CENPE: variants seen among roughly 807,000 people sequenced by gnomAD.
CENPE encodes centromere protein E, also known as centromere-associated protein E.
In CENPE, 145 loss-of-function variants were observed where a neutral mutation model predicts 336.1. That is an observed-to-expected ratio of 0.43 (90% CI 0.38 to 0.50). The LOEUF (loss-of-function observed/expected upper bound fraction) is 0.50. CENPE is among the 20% of genes least tolerant of loss of function. CENPE has a pLI of 0.00. For missense variants in CENPE, 2,719 were observed against 3,023.3 expected (o/e 0.90, Z 2.36); for synonymous variants, 1,013 against 984.8 (o/e 1.03, Z -0.54).
rs751229113 is a variant in CENPE, at chr4:103,161,246, T to C, written c.1971A>G (p.Glu657=). Reference sequence around the variant, plus strand: ...CCATTTGCTTGTATGTAGTTGCAAGTTCTTTCTATTGAGAAAAACATTGCA... The same window carrying C: ...CCATTTGCTTGTATGTAGTTGCAAGCTCTTTCTATTGAGAAAAACATTGCA... ...ENLELKEKMK[E]LATTYKQMEN... Residue 657 remains glutamate (E), a synonymous_variant, in exon 20 of 49, where the codon GAA becomes GAG. Transcript: ENST00000265148. The C allele has an allele frequency of 1.9e-6, 3 of 1,607,750 alleles. No individual in the cohort carries two copies. The highest frequency in any genetic ancestry group is 4.5e-5 in the East Asian group (2 of 44,686).
chr4:103,140,809 C>T lies in CENPE; in HGVS notation c.5754+5G>A, dbSNP rs776059287. 8 of 1,571,588 alleles carry T rather than the reference C, an allele frequency of 5.1e-6. No homozygotes were observed. In the Admixed American group the frequency reaches 6.0e-5, roughly 12 times the overall value. On this transcript the variant is annotated splice_donor_5th_base_variant and intron_variant, in intron 36 of 48. Transcript: ENST00000265148. Reference sequence around the variant, plus strand: ...ATGGTAGGGTAAAGAGAGAACACAACTCACTCTAGCTTTGGTTTCTTGCAG... The same window carrying T: ...ATGGTAGGGTAAAGAGAGAACACAATTCACTCTAGCTTTGGTTTCTTGCAG...
Position 103,132,869 on chromosome 4 carries a change from C to T in CENPE, c.6748G>A (p.Glu2250Lys). Reference sequence around the variant, plus strand: ...AATTCAGTCTTTATGCTAGGGAACTCACTTTCTGAGAAATCTTTGAGAATT... The same window carrying T: ...AATTCAGTCTTTATGCTAGGGAACTTACTTTCTGAGAAATCTTTGAGAATT... ...EEILKDFSES[E>K]FPSIKTEFQQ... Residue 2250 changes from glutamate (E) to lysine (K), a missense_variant, in exon 42 of 49, where the codon GAG becomes AAG. Coordinates refer to ENST00000265148, the MANE Select transcript of CENPE (RefSeq NM_001813.3). 2.0e-6 allele frequency: 3 copies of T among 1,472,174 alleles called. No individual in the cohort carries two copies. Among genetic ancestry groups the T allele is most frequent in the Non-Finnish European group, 2.7e-6 (3 of 1,107,076 alleles). 91.2% of individuals were successfully genotyped at this position (1,472,174 alleles called of 1,614,324 possible).
chr4:103,137,389 T>C (rs1309778464), intron 39 of CENPE, among the ~76,000 whole-genome samples: 1 of 152,150 alleles, frequency 6.6e-6, no homozygotes, highest in Non-Finnish European at 1.5e-5. Flanking sequence ...ACTGTAATCA[T>C]GTAGTAGGTA....
intron 8 of CENPE, among the ~76,000 whole-genome samples, chr4:103,187,396 G>C (rs1006412919): frequency 3.9e-5 from 6 of 152,178 alleles, no homozygotes; most frequent in Non-Finnish European, 7.3e-5. Context: ...GGCAGCCAGA[G>C]AGAAAGGTCA....
Position 103,148,945 on chromosome 4 carries a change from G to C in CENPE, c.3742C>G (p.Gln1248Glu), listed in dbSNP as rs1304903261. 6.2e-7 allele frequency: 1 copy of C among 1,613,466 alleles called. No homozygotes were observed. The highest frequency in any genetic ancestry group is 8.5e-7 in the Non-Finnish European group (1 of 1,179,708). ...CTTCTTAGTTCATCAATAGTTTCTT[G>C]GTGTTCTTTTAGGTGAATATGAGCA... ...KIAHIHLKEHQETIDELRRSV... is the reference protein window; with the variant it reads ...KIAHIHLKEHEETIDELRRSV... The change falls in exon 28 of 49, where the codon CAA (glutamine) becomes GAA (glutamate). Residue 1248 changes from glutamine (Q) to glutamate (E), a missense_variant. Around this residue, in one of 5 missense-constraint regions of CENPE, gnomAD observed 2,437 missense variants for 2,513.3 expected, o/e 0.97. Transcript: ENST00000265148.
chr4:103,186,983 G>A (rs962046577), intron 8 of CENPE, among the ~76,000 whole-genome samples: 2 of 152,154 alleles, frequency 1.3e-5, no homozygotes, highest in Non-Finnish European at 2.9e-5. Context: ...AGTGAAGACA[G>A]GAAAAGACAG....
At chr4:103,110,306 T>C (rs1485350528) in intron 47 of CENPE, among the ~76,000 whole-genome samples, 1 of 152,170 alleles carries the variant, frequency 6.6e-6, no homozygotes. Context: ...ATATAACCCT[T>C]TTATAATGTC....
intron 44 of CENPE, among the ~76,000 whole-genome samples, chr4:103,119,749 C>T (rs750967891): frequency 6.6e-6 from 1 of 152,020 alleles, no homozygotes; most frequent in Non-Finnish European, 1.5e-5. Context: ...GTTCTTCCCC[C>T]CAAAACAGGT....
chr4:103,129,660 G>A (rs1428716494), intron 42 of CENPE, among the ~76,000 whole-genome samples: 1 of 152,054 alleles, frequency 6.6e-6, no homozygotes, highest in Non-Finnish European at 1.5e-5. Flanking sequence ...GGAGGCAGAG[G>A]TTGCCGTGTG....
intron 31 of CENPE, 71 bp from the exon 32 acceptor site, chr4:103,145,405 TAAG>T: frequency 7.4e-7 from 1 of 1,353,520 alleles, no homozygotes; most frequent in Non-Finnish European, 1.0e-6. Context: ...ATACACAACT[TAAG>T]AGGAAAAGGT....
intron 8 of CENPE, among the ~76,000 whole-genome samples, chr4:103,189,241 A>AAACT (rs1447972281): frequency 6.6e-6 from 1 of 152,198 alleles, no homozygotes; most frequent in Non-Finnish European, 1.5e-5. Flanking sequence ...ATTCCTTCTG[A>AAACT]AACTATTCTA....
In CENPE at chr4:103,194,764, T is replaced by A. The variant is rs1304106032; in HGVS notation, c.478-80A>T. The A allele has an allele frequency of 9.7e-6, 10 of 1,029,014 alleles. No homozygotes were observed. In the African/African-American group the frequency reaches 1.6e-4, roughly 17 times the overall value. The allele number at this position is 1,029,014 out of a possible 1,614,324, so 63.7% of individuals were successfully genotyped here. A position where few individuals can be genotyped will look rare whatever the true frequency, so the allele number is the denominator to read the frequency against. The stretch of plus-strand genomic sequence containing the variant: ...TTTCAAAAGAAGGTGCAAACTATTA[T>A]AGAATTCATTTGTGAAAGTTAAAAG... On this transcript the variant is annotated intron_variant, in intron 5 of 48. Coordinates refer to ENST00000265148, the MANE Select transcript of CENPE (RefSeq NM_001813.3).
chr4:103,185,749 CT>C, intron 9 of CENPE, 60 bp downstream of exon 9: 1 of 1,138,750 alleles, frequency 8.8e-7, no homozygotes, highest in South Asian at 1.6e-5. Flanking sequence ...CCTGGTAGTA[CT>C]TTTTAAACCT....
chr4:103,167,800 G>A (rs1755050322), intron 16 of CENPE, among the ~76,000 whole-genome samples: 2 of 152,314 alleles, frequency 1.3e-5, no homozygotes, highest in South Asian at 4.1e-4. Context: ...CTTAGCTACA[G>A]CCCTGTTTGG....
Position 103,133,999 on chromosome 4 carries a change from T to A in CENPE, c.6523-107A>T. On this transcript the variant is annotated intron_variant, in intron 40 of 48. Transcript: ENST00000265148. The stretch of plus-strand genomic sequence containing the variant: ...TAGGATGACATCTCTTATTTACCTA[T>A]ATCCTCTCACAAGTGAGGAAAAGGG... 5.5e-6 allele frequency: 4 copies of A among 721,218 alleles called. 1 individual carries two copies. In the South Asian group the frequency reaches 6.5e-5, roughly 12 times the overall value. The allele number at this position is 721,218 out of a possible 1,614,324, so 44.7% of individuals were successfully genotyped here. A position where few individuals can be genotyped will look rare whatever the true frequency, so the allele number is the denominator to read the frequency against.
intron 40 of CENPE, among the ~76,000 whole-genome samples, chr4:103,134,622 C>A (rs1238133318): frequency 9.5e-6 from 1 of 105,700 alleles, no homozygotes; most frequent in Admixed American, 1.4e-4. Flanking sequence ...GGCAACAGAG[C>A]AAGACTCCGT....
intron 16 of CENPE, among the ~76,000 whole-genome samples, chr4:103,166,446 A>C (rs1223998690): frequency 1.3e-5 from 2 of 152,236 alleles, no homozygotes; most frequent in East Asian, 3.8e-4. Flanking sequence ...CATGCATGAC[A>C]TTTTGCACTT....
At chr4:103,157,750 T>A (rs1754078291) in intron 24 of CENPE, among the ~76,000 whole-genome samples, 1 of 151,934 alleles carries the variant, frequency 6.6e-6, no homozygotes, top group South Asian at 2.1e-4. Context: ...ACTACCAATT[T>A]AAAAAATATA....
chr4:103,116,371 A>G (rs1489224058), intron 45 of CENPE: 1 of 332,238 alleles, frequency 3.0e-6, no homozygotes, highest in East Asian at 6.0e-5. Context: ...GTGTTAATTG[A>G]TCAGAATTGT....
Sources: gnomAD v4.1 joint callset for allele counts (sites outside exome capture counted in the v4.1 genomes callset) on GRCh38, gnomAD v4.1.1 for gene constraint, gnomAD v4.1.1 regional missense constraint, MANE v1.5 for transcripts, NCBI Gene and HGNC (gene_info 2026-07-23, HGNC 2026-07-21) for gene names.